Variants in HHLA1 observed in about 807,000 individuals in gnomAD.
HHLA1 encodes HHLA1 neighbor of OC90.
In HHLA1, 72 loss-of-function variants were observed where a neutral mutation model predicts 69.9. The ratio of observed to expected loss-of-function variants is 1.03; its 90% confidence interval spans 0.85 to 1.25. HHLA1 has a LOEUF of 1.25. HHLA1 is among the 50% of genes most tolerant of loss of function. The probability of loss-of-function intolerance (pLI) is 0.00; values close to 1 mark genes in which losing one functional copy is unlikely to be tolerated. For missense variants in HHLA1, 685 were observed against 642.2 expected (o/e 1.07, Z -0.72); for synonymous variants, 252 against 233.2 (o/e 1.08, Z -0.73).
intron 10 of HHLA1, 152 bp from the exon 11 acceptor site, chr8:132,080,118 A>G (rs1449131648): frequency 9.4e-7 from 1 of 1,067,312 alleles, no homozygotes; most frequent in Non-Finnish European, 1.4e-6. Flanking sequence ...TCCTGAACAG[A>G]TTCTGACCCC....
Position 132,085,155 on chromosome 8 carries a change from G to A in HHLA1, c.676+2498C>T, listed in dbSNP as rs191639162. Among the ~76,000 whole-genome samples, 588 of 152,316 alleles carry A rather than the reference G, an allele frequency of 3.9e-3. 5 individuals are homozygous for A. Among genetic ancestry groups the A allele is most frequent in the African/African-American group, 0.013 (560 of 41,574 alleles). On this transcript the variant is annotated intron_variant, in intron 10 of 16. Coordinates refer to ENST00000414222, the MANE Select transcript of HHLA1 (RefSeq NM_001145095.3). ...CTGCGTGGTCTGACACCCTTGAAAC[G>A]TGAGTGTATAATCAGAGAGGCATCC... is the stretch of plus-strand genomic sequence containing the variant.
intron 15 of HHLA1, chr8:132,069,615 T>C (rs1823496779): frequency 6.6e-6 from 1 of 152,186 alleles, no homozygotes; most frequent in South Asian, 2.1e-4. Context: ...CAGCTATTAT[T>C]TGCAATATGA....
intron 12 of HHLA1, among the ~76,000 whole-genome samples, chr8:132,077,311 G>A (rs1188135807): frequency 2.6e-5 from 4 of 152,188 alleles, no homozygotes; most frequent in African/African-American, 9.7e-5. Flanking sequence ...AGGAGATGTG[G>A]GCAGTAAGCA....
intron 11 of HHLA1, among the ~76,000 whole-genome samples, chr8:132,079,125 G>T (rs950103047): frequency 2.6e-5 from 4 of 152,138 alleles, no homozygotes; most frequent in Admixed American, 2.6e-4. Context: ...CATGCCTTTT[G>T]TGTCTTTAGT....
In HHLA1 at chr8:132,105,081, T is replaced by A. The variant is rs530686945; in HGVS notation, c.79+106A>T. 6.6e-4 allele frequency: 568 copies of A among 855,062 alleles called. 1 individual carries two copies. The highest frequency in any genetic ancestry group is 1.0e-3 in the Non-Finnish European group (529 of 524,742). The allele number at this position is 855,062 out of a possible 1,614,324, so 53.0% of individuals were successfully genotyped here. A position where few individuals can be genotyped will look rare whatever the true frequency, so the allele number is the denominator to read the frequency against. On this transcript the variant is annotated intron_variant, in intron 2 of 16. Coordinates refer to ENST00000414222, the MANE Select transcript of HHLA1 (RefSeq NM_001145095.3). ...ATTCTTGCCATTTTGAACAAATTCATTTGGATTCTGGGCAGAAATGTTGGC... is the reference window on the plus strand; with the variant it reads ...ATTCTTGCCATTTTGAACAAATTCAATTGGATTCTGGGCAGAAATGTTGGC...
chr8:132,099,059 G>A, intron 4 of HHLA1, 97 bp from the exon 5 acceptor site: 5 of 961,120 alleles, frequency 5.2e-6, no homozygotes, highest in Non-Finnish European at 7.8e-6. Flanking sequence ...CAACTTCTTT[G>A]CACATGTGCT....
chr8:132,090,686 T>C (rs1823932971), intron 7 of HHLA1, among the ~76,000 whole-genome samples: 1 of 151,770 alleles, frequency 6.6e-6, no homozygotes. Context: ...CAGTATGTAG[T>C]ATACCTATGC....
At chr8:132,105,123 AG>A in intron 2 of HHLA1, 63 bp downstream of exon 2, 1 of 1,263,126 alleles carries the variant, frequency 7.9e-7, no homozygotes, top group Admixed American at 2.0e-5. Flanking sequence ...GGTTCTCTAA[AG>A]CACAGTGAAT....
chr8:132,102,364 A>C (rs1824123363), intron 3 of HHLA1, among the ~76,000 whole-genome samples: 1 of 152,232 alleles, frequency 6.6e-6, no homozygotes, highest in South Asian at 2.1e-4. Context: ...TTTTGGTTAA[A>C]TATCAAAGCT....
At position 132,101,621 on chromosome 8, in the gene HHLA1, C is replaced by T. The variant is rs190892251; in HGVS notation, c.140-1487G>A. On this transcript the variant is annotated intron_variant, in intron 3 of 16. Transcript: ENST00000414222. The stretch of plus-strand genomic sequence containing the variant: ...TGAGATGGAGTCTCACTCTGTTGCC[C>T]AGGCTGGAGTGCAGTGGCGTGATCT... Among the ~76,000 whole-genome samples, 555 of 151,360 alleles carry T rather than the reference C, an allele frequency of 3.7e-3. 3 individuals are homozygous for T. Among genetic ancestry groups the T allele is most frequent in the African/African-American group, 0.013 (536 of 41,196 alleles).
chr8:132,072,936 T>C (rs1450708074), intron 14 of HHLA1, among the ~76,000 whole-genome samples: 1 of 152,156 alleles, frequency 6.6e-6, no homozygotes, highest in Non-Finnish European at 1.5e-5. Flanking sequence ...TGCTGTGGAA[T>C]ATCAATTCAT....
intron 10 of HHLA1, chr8:132,080,308 G>C (rs1032504926): frequency 2.7e-6 from 1 of 366,552 alleles, no homozygotes; most frequent in African/African-American, 2.1e-5. Flanking sequence ...ATTTCACCTG[G>C]GTGCAGGCGG....
chr8:132,104,006 G>T (rs1824160876), intron 3 of HHLA1, 102 bp downstream of exon 3: 3 of 766,690 alleles, frequency 3.9e-6, no homozygotes, highest in Non-Finnish European at 6.9e-6. Flanking sequence ...GTTAGATGCG[G>T]ATATAATCGC....
At chr8:132,076,262 G>A (rs1047129821) in intron 13 of HHLA1, 133 bp from the exon 14 acceptor site, 2 of 779,226 alleles carry the variant, frequency 2.6e-6, no homozygotes, top group African/African-American at 3.5e-5. Context: ...CCAAAAAAGG[G>A]GAAGTGATTT....
At chr8:132,083,514 C>T (rs1311098256) in intron 10 of HHLA1, among the ~76,000 whole-genome samples, 1 of 152,164 alleles carries the variant, frequency 6.6e-6, no homozygotes, top group East Asian at 1.9e-4. Flanking sequence ...GCCGCTAAGC[C>T]AAGAAGATCT....
chr8:132,083,807 G>A (rs1431977603), intron 10 of HHLA1, among the ~76,000 whole-genome samples: 3 of 152,190 alleles, frequency 2.0e-5, no homozygotes, highest in African/African-American at 7.2e-5. Flanking sequence ...TCTCACAGTG[G>A]AGGCAAGGAA....
intron 8 of HHLA1, 124 bp downstream of exon 8, chr8:132,089,392 C>T: frequency 1.5e-6 from 1 of 687,908 alleles, no homozygotes; most frequent in Admixed American, 2.5e-5. Context: ...ATAAAGATTA[C>T]ATGAACGTTT....
intron 10 of HHLA1, among the ~76,000 whole-genome samples, chr8:132,082,440 A>C (rs1823771366): frequency 1.3e-5 from 2 of 152,120 alleles, no homozygotes; most frequent in South Asian, 4.1e-4. Context: ...CCTAGGAAAG[A>C]AAGGAGTTGT....
At chr8:132,066,716 T>C (rs1374550874) in intron 15 of HHLA1, among the ~76,000 whole-genome samples, 1 of 152,232 alleles carries the variant, frequency 6.6e-6, no homozygotes, top group African/African-American at 2.4e-5. Flanking sequence ...CCTAGAGAGT[T>C]GTGCAACTAA....
Sources: gnomAD v4.1 joint callset for allele counts (sites outside exome capture counted in the v4.1 genomes callset) on GRCh38, gnomAD v4.1.1 for gene constraint, MANE v1.5 for transcripts, NCBI Gene and HGNC (gene_info 2026-07-23, HGNC 2026-07-21) for gene names.